The following CSMD3 variants were observed in gnomAD, a reference collection of about 807,000 sequenced individuals.
CSMD3 encodes CUB and Sushi multiple domains 3.
In CSMD3, 177 loss-of-function variants were observed where a neutral mutation model predicts 435.2. That is an observed-to-expected ratio of 0.41 (90% CI 0.36 to 0.46). The LOEUF (loss-of-function observed/expected upper bound fraction) is 0.46. Among genes scored for constraint, CSMD3 ranks in the 20% least tolerant of loss-of-function variants. The probability of loss-of-function intolerance (pLI) is 0.34; values close to 1 mark genes in which losing one functional copy is unlikely to be tolerated. For missense variants in CSMD3, 4,265 were observed against 4,504.6 expected (o/e 0.95, Z 1.52); for synonymous variants, 1,656 against 1,520.5 (o/e 1.09, Z -2.07).
At chr8:113,084,837 A>C (rs1340455738) in intron 5 of CSMD3, among the ~76,000 whole-genome samples, 1 of 152,046 alleles carries the variant, frequency 6.6e-6, no homozygotes, top group Non-Finnish European at 1.5e-5. Context: ...ATTTTTGACA[A>C]AGATGTCAAA....
chr8:112,279,706 G>A (rs1818443745), intron 59 of CSMD3, among the ~76,000 whole-genome samples: 2 of 152,074 alleles, frequency 1.3e-5, no homozygotes, highest in Non-Finnish European at 2.9e-5. Context: ...ATTGGCATGG[G>A]AAAGTTGATT....
At chr8:113,228,521 G>A (rs2093051876) in intron 3 of CSMD3, among the ~76,000 whole-genome samples, 1 of 151,256 alleles carries the variant, frequency 6.6e-6, no homozygotes, top group Admixed American at 6.6e-5. Context: ...CATACTCACA[G>A]AATGCCATGA....
intron 13 of CSMD3, among the ~76,000 whole-genome samples, chr8:112,716,485 A>C (rs574409333): frequency 6.6e-6 from 1 of 152,340 alleles, no homozygotes; most frequent in South Asian, 2.1e-4. Flanking sequence ...TAGTGTGAAA[A>C]TAGCCATGCT....
chr8:113,224,559 T>C (rs1374112909), intron 3 of CSMD3, among the ~76,000 whole-genome samples: 1 of 151,278 alleles, frequency 6.6e-6, no homozygotes, highest in Non-Finnish European at 1.5e-5. Flanking sequence ...TATTTTTAAC[T>C]TAGAATTTTT....
intron 35 of CSMD3, among the ~76,000 whole-genome samples, chr8:112,402,273 T>C (rs1482131209): frequency 1.3e-5 from 2 of 152,232 alleles, no homozygotes; most frequent in East Asian, 3.8e-4. Flanking sequence ...CCCACGACTC[T>C]TGTGCTGATA....
intron 3 of CSMD3, among the ~76,000 whole-genome samples, chr8:113,251,376 C>G (rs532615249): frequency 6.6e-6 from 1 of 152,068 alleles, no homozygotes; most frequent in Admixed American, 6.5e-5. Context: ...TCATACTGAT[C>G]GCACAACTAA....
At chr8:113,129,419 C>T (rs900814701) in intron 4 of CSMD3, among the ~76,000 whole-genome samples, 1 of 151,902 alleles carries the variant, frequency 6.6e-6, no homozygotes, top group Admixed American at 6.6e-5. Context: ...GAATTTAAGG[C>T]CAGGCCACTC....
intron 45 of CSMD3, among the ~76,000 whole-genome samples, chr8:112,332,278 A>G (rs1586792918): frequency 6.7e-6 from 1 of 149,816 alleles, no homozygotes; most frequent in Non-Finnish European, 1.5e-5. Context: ...GATGGCAGTG[A>G]TCACCATGAG....
chr8:112,427,555 A>G (rs1487600434), intron 32 of CSMD3, among the ~76,000 whole-genome samples: 1 of 152,128 alleles, frequency 6.6e-6, no homozygotes, highest in Non-Finnish European at 1.5e-5. Context: ...GAGTCAATTA[A>G]ACCTCTTACA....
chr8:113,257,130 C>T (rs933457956), intron 3 of CSMD3, among the ~76,000 whole-genome samples: 9 of 152,068 alleles, frequency 5.9e-5, no homozygotes, highest in Non-Finnish European at 1.3e-4. Flanking sequence ...CAAAACGGGC[C>T]GGGCGCAGTG....
At chr8:112,717,311 G>A (rs938796532) in intron 13 of CSMD3, among the ~76,000 whole-genome samples, 7 of 151,786 alleles carry the variant, frequency 4.6e-5, no homozygotes, top group African/African-American at 1.2e-4. Context: ...ACAAACACAC[G>A]ACAAAAAGCT....
At chr8:112,680,722 C>A (rs1312267325) in intron 16 of CSMD3, among the ~76,000 whole-genome samples, 1 of 152,018 alleles carries the variant, frequency 6.6e-6, no homozygotes, top group Non-Finnish European at 1.5e-5. Flanking sequence ...TTGAAGGGGC[C>A]ACTAGGAAAA....
chr8:113,144,567 T>C (rs1429194330), intron 4 of CSMD3, among the ~76,000 whole-genome samples: 2 of 151,636 alleles, frequency 1.3e-5, no homozygotes, highest in Non-Finnish European at 3.0e-5. Context: ...CCGTTAATTA[T>C]GTTCATTATC....
At chr8:112,712,662 T>G (rs996199341) in intron 13 of CSMD3, among the ~76,000 whole-genome samples, 1 of 152,140 alleles carries the variant, frequency 6.6e-6, no homozygotes, top group African/African-American at 2.4e-5. Flanking sequence ...ATTAAGACAT[T>G]TGTGCCTTGT....
At chr8:113,400,904 G>T (rs1441405348) in intron 1 of CSMD3, among the ~76,000 whole-genome samples, 3 of 151,710 alleles carry the variant, frequency 2.0e-5, no homozygotes, top group Admixed American at 6.6e-5. Context: ...TATTAAGTTT[G>T]ATTGGAACAA....
chr8:112,681,498 AT>A (rs1231689961), intron 16 of CSMD3, among the ~76,000 whole-genome samples: 2 of 152,126 alleles, frequency 1.3e-5, no homozygotes, highest in Non-Finnish European at 2.9e-5. Flanking sequence ...ATACTATGTA[AT>A]TGATGTTTTA....
intron 6 of CSMD3, among the ~76,000 whole-genome samples, chr8:112,977,647 T>C (rs1009404458): frequency 6.6e-6 from 1 of 152,060 alleles, no homozygotes; most frequent in Non-Finnish European, 1.5e-5. Context: ...CTGAATTTGA[T>C]TCTAGAAATT....
At chr8:112,441,180 A>C (rs1488991684) in intron 32 of CSMD3, among the ~76,000 whole-genome samples, 1 of 152,086 alleles carries the variant, frequency 6.6e-6, no homozygotes, top group East Asian at 1.9e-4. Flanking sequence ...AGTTCCACAG[A>C]TCTCTAGGGC....
chr8:112,287,013 A>G (rs2130631746), intron 58 of CSMD3, 51 bp downstream of exon 58: 3 of 1,417,430 alleles, frequency 2.1e-6, no homozygotes, highest in Non-Finnish European at 3.0e-6. Flanking sequence ...GGATTTAGAT[A>G]CACACTAAAA....
Sources: allele counts gnomAD v4.1 joint callset (sites outside exome capture counted in the v4.1 genomes callset), GRCh38; gene constraint gnomAD v4.1.1; transcripts MANE v1.5; gene names NCBI Gene and HGNC (gene_info 2026-07-23, HGNC 2026-07-21).